Variants in HSPA12A observed in about 807,000 individuals in gnomAD.
HSPA12A encodes the protein heat shock 70 kDa protein 12A.
In HSPA12A, 28 loss-of-function variants were observed where a neutral mutation model predicts 69.2. The observed-to-expected ratio is 0.40, with a 90% confidence interval of 0.30 to 0.55. The LOEUF (loss-of-function observed/expected upper bound fraction) is 0.55. Among genes scored for constraint, HSPA12A ranks in the 20% least tolerant of loss-of-function variants. HSPA12A has a pLI of 0.38. For missense variants in HSPA12A, 686 were observed against 900.7 expected, an observed-to-expected ratio of 0.76 and a Z score of 3.05; for synonymous variants, 345 against 370.5, an observed-to-expected ratio of 0.93 and a Z score of 0.79.
At chr10:116,718,002 T>C (rs781854339) in intron 1 of HSPA12A, among the ~76,000 whole-genome samples, 4 of 152,212 alleles carry the variant, frequency 2.6e-5, no homozygotes, top group Non-Finnish European at 5.9e-5. Context: ...AGAGGCCATA[T>C]GACCACAGCT....
intron 2 of HSPA12A, among the ~76,000 whole-genome samples, chr10:116,778,376 C>T (rs1485942351): frequency 4.6e-5 from 7 of 152,188 alleles, no homozygotes; most frequent in Admixed American, 3.3e-4. Context: ...CGACCTTACA[C>T]AGAAAGGTCA....
At chr10:116,831,437 T>G (rs1275556678) in intron 2 of HSPA12A, 1 of 152,242 alleles carries the variant, frequency 6.6e-6, no homozygotes, top group Non-Finnish European at 1.5e-5. Flanking sequence ...CACCCTACCG[T>G]GTCCGGAGGA....
chr10:116,701,680 C>A (rs1432766155), intron 3 of HSPA12A, among the ~76,000 whole-genome samples: 1 of 152,204 alleles, frequency 6.6e-6, no homozygotes, highest in African/African-American at 2.4e-5. Flanking sequence ...GAAGGATACT[C>A]CAGGCTGCTC....
chr10:116,675,471 G>T lies in HSPA12A; in HGVS notation c.1391-53C>A. The T allele has an allele frequency of 6.7e-7, 1 of 1,492,192 alleles. No individual in the cohort carries two copies. The highest frequency in any genetic ancestry group is 2.5e-5 in the East Asian group (1 of 40,772). 92.4% of individuals were successfully genotyped at this position (1,492,192 alleles called of 1,614,324 possible). ...CCTGTCACCAAAAGCCAGCAAGGAA[G>T]GGGGAACTGGGCTGCCTGCATCTGT... On this transcript the variant is annotated intron_variant, in intron 11 of 11. Transcript: ENST00000369209. This position sits in a 1 kb window ranked among gnomAD's most constrained non-coding sequence, Gnocchi z 5.2.
intron 2 of HSPA12A, among the ~76,000 whole-genome samples, chr10:116,816,451 T>G (rs1038864915): frequency 6.6e-6 from 1 of 152,232 alleles, no homozygotes; most frequent in Non-Finnish European, 1.5e-5. Context: ...TCACCTTTTC[T>G]CCGAGGCCTG....
intron 1 of HSPA12A, among the ~76,000 whole-genome samples, chr10:116,732,807 G>T (rs879948037): frequency 2.0e-5 from 3 of 152,192 alleles, no homozygotes; most frequent in African/African-American, 7.2e-5. Context: ...GACCGGGAGT[G>T]GCTGGCGGGA....
At chr10:116,708,907 T>C (rs1564789657) in intron 1 of HSPA12A, among the ~76,000 whole-genome samples, 1 of 152,178 alleles carries the variant, frequency 6.6e-6, no homozygotes, top group Non-Finnish European at 1.5e-5. Flanking sequence ...GTGTCAAGGA[T>C]GTGAAGAAAT....
intron 6 of HSPA12A, among the ~76,000 whole-genome samples, chr10:116,688,473 G>C (rs1849643456): frequency 6.6e-6 from 1 of 152,246 alleles, no homozygotes; most frequent in Non-Finnish European, 1.5e-5. Context: ...ACACTCCAGG[G>C]AGACTGAGAA....
intron 2 of HSPA12A, among the ~76,000 whole-genome samples, chr10:116,769,061 A>C (rs1844140930): frequency 1.3e-5 from 2 of 152,218 alleles, no homozygotes; most frequent in Non-Finnish European, 2.9e-5. Flanking sequence ...AGTGACATCC[A>C]GCACAGCACA....
At chr10:116,829,917 T>A (rs748651434) in intron 2 of HSPA12A, 1 of 150,556 alleles carries the variant, frequency 6.6e-6, no homozygotes, top group African/African-American at 2.4e-5. Flanking sequence ...CAGTGTTGGG[T>A]CGTTAGTCAG....
intron 5 of HSPA12A, among the ~76,000 whole-genome samples, chr10:116,695,815 G>A (rs77928708): frequency 0.059 from 8,422 of 143,490 alleles, 420 homozygotes; most frequent in East Asian, 0.28. Flanking sequence ...GCGAGACTCC[G>A]TCTCAAAACA....
At chr10:116,713,818 C>A (rs1477079281) in intron 1 of HSPA12A, among the ~76,000 whole-genome samples, 1 of 152,182 alleles carries the variant, frequency 6.6e-6, no homozygotes, top group Non-Finnish European at 1.5e-5. Flanking sequence ...AACCTTACAG[C>A]CCTTCCCTCC....
chr10:116,680,927 G>A (rs1849383326), intron 9 of HSPA12A, among the ~76,000 whole-genome samples: 1 of 152,212 alleles, frequency 6.6e-6, no homozygotes, highest in Admixed American at 6.5e-5. Context: ...TCTGAAACAG[G>A]CTCGCTTTAG....
chr10:116,743,103 G>T (rs1340685138), upstream of HSPA12A, among the ~76,000 whole-genome samples: 2 of 86,528 alleles, frequency 2.3e-5, no homozygotes, highest in Non-Finnish European at 5.1e-5. Flanking sequence ...ACCTGCGCGG[G>T]GGCCGAGCCC....
chr10:116,792,542 C>T (rs879719852), intron 2 of HSPA12A, among the ~76,000 whole-genome samples: 4 of 148,802 alleles, frequency 2.7e-5, no homozygotes, highest in South Asian at 4.2e-4. Flanking sequence ...TTTGGGAGGC[C>T]GAGGCAGGCA....
chr10:116,771,674 G>C (rs903023706), intron 2 of HSPA12A, among the ~76,000 whole-genome samples: 4 of 152,342 alleles, frequency 2.6e-5, no homozygotes, highest in Middle Eastern at 3.4e-3. Flanking sequence ...GCCCAGGGAC[G>C]GGGTGGATGA....
chr10:116,768,721 T>C (rs782507764), intron 2 of HSPA12A, among the ~76,000 whole-genome samples: 18 of 152,122 alleles, frequency 1.2e-4, no homozygotes, highest in Non-Finnish European at 1.8e-4. Context: ...CAGAGACTGG[T>C]CTTGAACTGC....
chr10:116,698,449 G>A (rs1373158625), intron 5 of HSPA12A, 186 bp downstream of exon 5: 12 of 451,992 alleles, frequency 2.7e-5, no homozygotes, highest in Non-Finnish European at 4.4e-5. Flanking sequence ...CAAAGAGGCC[G>A]CACCATTTTA....
At chr10:116,679,374 G>T in intron 10 of HSPA12A, 129 bp downstream of exon 10, 2 of 1,078,412 alleles carry the variant, frequency 1.9e-6, no homozygotes, top group Non-Finnish European at 1.3e-6. Flanking sequence ...GAGAAGTTGA[G>T]TCCCTTGCCC....
Sources: gnomAD v4.1 joint callset for allele counts (sites outside exome capture counted in the v4.1 genomes callset) on GRCh38, gnomAD v4.1.1 for gene constraint, Gnocchi (gnomAD v3.1) non-coding constraint, MANE v1.5 for transcripts, NCBI Gene and HGNC (gene_info 2026-07-23, HGNC 2026-07-21) for gene names.